TC2N: variants seen among roughly 807,000 people sequenced by gnomAD.
TC2N encodes tandem C2 domains, nuclear.
TC2N carries 51 observed loss-of-function variants against 61.9 expected under a neutral mutation model. The ratio of observed to expected loss-of-function variants is 0.82; its 90% CI spans 0.66 to 1.04. TC2N has a LOEUF of 1.04. Ranked by LOEUF, TC2N falls within the 50% of genes least tolerant of loss-of-function variation. The probability of loss-of-function intolerance (pLI) is 0.00; values close to 1 mark genes in which losing one functional copy is unlikely to be tolerated. For synonymous variants in TC2N, 204 were observed against 192.6 expected (o/e 1.06, Z -0.49); for missense variants, 556 against 566.7 (o/e 0.98, Z 0.19).
Position 91,798,974 on chromosome 14 carries a change from T to C in TC2N, c.637+15A>G. ...TTATCTTAAGAGTATAAAAGTAGGA[T>C]ACTTTATTCCTTACCCAGGCTTCTG... On this transcript the variant is annotated intron_variant, in intron 6 of 11. Transcript: ENST00000435962. 6.5e-7 allele frequency: 1 copy of C among 1,550,086 alleles called. No individual in the cohort carries two copies. Among genetic ancestry groups the C allele is most frequent in the Non-Finnish European group, 8.9e-7 (1 of 1,128,700 alleles).
chr14:91,864,507 C>T (rs904083727), intron 1 of TC2N, among the ~76,000 whole-genome samples: 6 of 152,136 alleles, frequency 3.9e-5, no homozygotes, highest in Admixed American at 1.3e-4. Context: ...AGCACCTACC[C>T]TATTTTAAAG....
intron 1 of TC2N, among the ~76,000 whole-genome samples, chr14:91,816,347 T>G (rs956467124): frequency 1.8e-4 from 27 of 151,886 alleles, no homozygotes; most frequent in Admixed American, 3.3e-4. Context: ...TATACTGTGT[T>G]GTTTTAATTT....
intron 1 of TC2N, among the ~76,000 whole-genome samples, chr14:91,844,945 T>A (rs1888240923): frequency 6.6e-6 from 1 of 151,900 alleles, no homozygotes. Context: ...AGTAAGTGTG[T>A]ATACATTGGC....
intron 1 of TC2N, among the ~76,000 whole-genome samples, chr14:91,866,821 T>C (rs759995547): frequency 1.3e-5 from 2 of 152,180 alleles, no homozygotes; most frequent in Non-Finnish European, 2.9e-5. Flanking sequence ...GTACAAAAAA[T>C]AACATTTGAT....
intron 1 of TC2N, among the ~76,000 whole-genome samples, chr14:91,827,526 G>C (rs773197226): frequency 7.2e-5 from 11 of 151,976 alleles, no homozygotes; most frequent in Non-Finnish European, 1.5e-4. Flanking sequence ...CTCTAACTCC[G>C]AATCTCCTAC....
chr14:91,827,083 T>C (rs567494003), intron 1 of TC2N, among the ~76,000 whole-genome samples: 2 of 152,336 alleles, frequency 1.3e-5, no homozygotes, highest in South Asian at 4.1e-4. Context: ...GGCTGATATA[T>C]ATATGAATTT....
intron 1 of TC2N, among the ~76,000 whole-genome samples, chr14:91,856,874 G>A (rs938123711): frequency 6.6e-6 from 1 of 152,194 alleles, no homozygotes; most frequent in African/African-American, 2.4e-5. Context: ...CACAGAAGTG[G>A]TCTAAATTAG....
chr14:91,865,972 T>C (rs1294800397), intron 1 of TC2N, among the ~76,000 whole-genome samples: 1 of 152,234 alleles, frequency 6.6e-6, no homozygotes, highest in Non-Finnish European at 1.5e-5. Context: ...TAAAAAGGTG[T>C]TATTATAAAG....
At chr14:91,784,442 T>C (rs1885266459) in intron 11 of TC2N, among the ~76,000 whole-genome samples, 1 of 152,168 alleles carries the variant, frequency 6.6e-6, no homozygotes. Context: ...AAAATTCATA[T>C]ATAATTTGAG....
At chr14:91,831,401 AG>A (rs1158838720) in intron 1 of TC2N, among the ~76,000 whole-genome samples, 17 of 152,356 alleles carry the variant, frequency 1.1e-4, no homozygotes, top group African/African-American at 3.1e-4. Context: ...CTTTTTAAAA[AG>A]AAAAAAATTA....
chr14:91,861,447 C>T (rs1888586148), intron 1 of TC2N, among the ~76,000 whole-genome samples: 1 of 152,168 alleles, frequency 6.6e-6, no homozygotes, highest in Non-Finnish European at 1.5e-5. Context: ...GTCCCTTGGA[C>T]CCAGCTTTGC....
At chr14:91,783,261 T>C (rs1465077086) in intron 11 of TC2N, 51 bp from the exon 12 acceptor site, 3 of 1,057,542 alleles carry the variant, frequency 2.8e-6, no homozygotes, top group Non-Finnish European at 2.9e-6. Flanking sequence ...TAATAATAAC[T>C]ACATTCAGAC....
At chr14:91,826,918 T>A (rs1393692505) in intron 1 of TC2N, among the ~76,000 whole-genome samples, 2 of 152,202 alleles carry the variant, frequency 1.3e-5, no homozygotes, top group African/African-American at 2.4e-5. Flanking sequence ...AATATCTTTT[T>A]CTGTTTACTG....
chr14:91,833,119 C>T (rs1270755260), intron 1 of TC2N, among the ~76,000 whole-genome samples: 1 of 152,116 alleles, frequency 6.6e-6, no homozygotes, highest in Non-Finnish European at 1.5e-5. Flanking sequence ...CACAGGTTGG[C>T]TTCAAAAAAT....
chr14:91,812,344 T>G lies in TC2N; in HGVS notation c.269A>C (p.Gln90Pro), dbSNP rs771761921. ...FKLSYIQPRT[Q>P]ETPSHLEELE... is the part of the protein sequence containing the mutation. ...TTCTTCCAGATGTGAAGGAGTTTCT[T>G]GTGTCCTGGGTTGAATGTAAGATAA... The change falls in exon 3 of 12, where the codon CAA (glutamine) becomes CCA (proline). Residue 90 changes from glutamine (Q) to proline (P), a missense_variant. Coordinates refer to ENST00000435962, the MANE Select transcript of TC2N (RefSeq NM_001128596.3). 1 of 1,606,200 alleles carries G rather than the reference T, an allele frequency of 6.2e-7. No homozygotes were observed. The highest frequency in any genetic ancestry group is 8.5e-7 in the Non-Finnish European group (1 of 1,175,110).
chr14:91,787,606 A>G lies in TC2N; in HGVS notation c.1069T>C (p.Leu357=), dbSNP rs2139822866. 1.9e-6 allele frequency: 3 copies of G among 1,611,110 alleles called. No homozygotes were observed. The highest frequency in any genetic ancestry group is 1.1e-5 in the South Asian group (1 of 90,478). Residue 357 remains leucine (L), a synonymous_variant, in exon 10 of 12, where the codon TTG becomes CTG. Coordinates refer to ENST00000435962, the MANE Select transcript of TC2N (RefSeq NM_001128596.3). ...KISVCHAELE[L]GTCFQAVNSR... is the part of the protein sequence containing the mutation. Reference sequence around the variant, plus strand: ...TTTACTGCTTGAAAACAAGTCCCCAATTCAAGTTCTGCATGGCAAACCTGC... The same window carrying G: ...TTTACTGCTTGAAAACAAGTCCCCAGTTCAAGTTCTGCATGGCAAACCTGC...
rs777559881 is a variant in TC2N at position 91,783,218 on chromosome 14, G to T, written c.1363-8C>A. 2.7e-6 allele frequency: 4 copies of T among 1,486,398 alleles called. No individual in the cohort carries two copies. The highest frequency in any genetic ancestry group is 1.1e-5 in the South Asian group (1 of 87,300). 92.1% of individuals were successfully genotyped at this position (1,486,398 alleles called of 1,614,324 possible). ...GTCTTCACTTATCCAAATCTGTAAA[G>T]GAAAGTATGTACAATCATTTAACTT... On this transcript the variant is annotated splice_polypyrimidine_tract_variant and splice_region_variant and intron_variant, in intron 11 of 11. Transcript: ENST00000435962.
intron 3 of TC2N, among the ~76,000 whole-genome samples, chr14:91,804,040 G>A (rs543514573): frequency 7.2e-5 from 11 of 152,188 alleles, no homozygotes; most frequent in Admixed American, 4.6e-4. Context: ...AAAGACAGAC[G>A]AGACTATACA....
intron 1 of TC2N, among the ~76,000 whole-genome samples, chr14:91,827,628 T>C (rs1028519392): frequency 6.6e-6 from 1 of 152,220 alleles, no homozygotes; most frequent in Admixed American, 6.5e-5. Flanking sequence ...CTCAAAATCC[T>C]AAATCACATC....
Sources: allele counts gnomAD v4.1 joint callset (sites outside exome capture counted in the v4.1 genomes callset), GRCh38; gene constraint gnomAD v4.1.1; transcripts MANE v1.5; gene names NCBI Gene and HGNC (gene_info 2026-07-23, HGNC 2026-07-21).